NCF2: variants seen among roughly 807,000 people sequenced by gnomAD.
NCF2 encodes neutrophil cytosolic factor 2, also known as neutrophil cytosol factor 2.
Under a neutral mutation model 70.9 loss-of-function variants are expected in NCF2, and 45 were observed. The ratio of observed to expected loss-of-function variants is 0.63; its 90% CI spans 0.50 to 0.81. The LOEUF (loss-of-function observed/expected upper bound fraction) is 0.81. NCF2 is among the 40% of genes least tolerant of loss of function. The pLI is 0.00. For missense variants in NCF2, 522 were observed against 631.6 expected, an observed-to-expected ratio of 0.83 and a Z score of 1.86; for synonymous variants, 203 against 233.6, an observed-to-expected ratio of 0.87 and a Z score of 1.19.
At chr1:183,595,391 T>C (rs575973834), upstream of NCF2, among the ~76,000 whole-genome samples, 6 of 152,310 alleles carry the variant, frequency 3.9e-5, no homozygotes, top group Admixed American at 3.9e-4. Context: ...AATCTGTCGT[T>C]GGGTTGGTTT....
intron 7 of NCF2, among the ~76,000 whole-genome samples, chr1:183,568,823 C>T (rs1047832053): frequency 1.3e-5 from 2 of 152,008 alleles, no homozygotes; most frequent in Non-Finnish European, 2.9e-5. Flanking sequence ...TCAGCAACAA[C>T]CCCTTGCCAT....
At chr1:183,574,714 T>G in intron 3 of NCF2, 93 bp from the exon 4 acceptor site, 1 of 1,477,796 alleles carries the variant, frequency 6.8e-7, no homozygotes, top group South Asian at 1.1e-5. Flanking sequence ...GAATGTTGCC[T>G]GGTAGCCTTT....
chr1:183,578,411 G>A (rs993188954), intron 2 of NCF2, among the ~76,000 whole-genome samples: 2 of 151,186 alleles, frequency 1.3e-5, no homozygotes, highest in African/African-American at 4.9e-5. Context: ...AGGCTGGAGT[G>A]CAGTGGTGGG....
chr1:183,594,495 T>A (rs923956217), upstream of NCF2, among the ~76,000 whole-genome samples: 2 of 152,264 alleles, frequency 1.3e-5, no homozygotes, highest in African/African-American at 4.8e-5. Flanking sequence ...GTTTGTTTAT[T>A]GTTTAAGTCA....
At chr1:183,595,153 G>A (rs1391911685), upstream of NCF2, among the ~76,000 whole-genome samples, 5 of 152,168 alleles carry the variant, frequency 3.3e-5, no homozygotes, top group Non-Finnish European at 7.3e-5. Flanking sequence ...GGAAAAGAAC[G>A]CACTTTTTTG....
intron 5 of NCF2, among the ~76,000 whole-genome samples, chr1:183,571,131 T>TC (rs1672540148): frequency 1.3e-5 from 2 of 149,326 alleles, no homozygotes; most frequent in African/African-American, 4.9e-5. Context: ...TTTTTTTTTT[T>TC]TTTTGAGACG....
In NCF2 at chr1:183,555,825, G is replaced by GAAAC. The variant is rs1671742917; in HGVS notation, c.*289_*292dup. On this transcript the variant is annotated 3_prime_UTR_variant, in exon 15 of 15. Coordinates refer to ENST00000367535, the MANE Select transcript of NCF2 (RefSeq NM_000433.4). Reference sequence around the variant, plus strand: ...GCTGGCTAGCTAGCACTCAGAGCAAGAAACAGGATCAGTACCTGGAAGACT... The same window carrying GAAAC: ...GCTGGCTAGCTAGCACTCAGAGCAAGAAACAAACAGGATCAGTACCTGGAAGACT... 6.4e-6 allele frequency: 3 copies of GAAAC among 467,316 alleles called. No individual in the cohort carries two copies. Among genetic ancestry groups the GAAAC allele is most frequent in the African/African-American group, 5.9e-5 (3 of 51,114 alleles). 28.9% of individuals were successfully genotyped at this position (467,316 alleles called of 1,614,324 possible). A position where few individuals can be genotyped will look rare whatever the true frequency, so the allele number is the denominator to read the frequency against.
At chr1:183,593,367 T>C (rs1572184813), upstream of NCF2, among the ~76,000 whole-genome samples, 2 of 150,260 alleles carry the variant, frequency 1.3e-5, no homozygotes, top group Admixed American at 1.3e-4. Context: ...GATCACTTCA[T>C]GGCCCCTGTT....
intron 2 of NCF2, among the ~76,000 whole-genome samples, chr1:183,583,009 TAAC>T (rs907230137): frequency 7.2e-5 from 11 of 152,184 alleles, no homozygotes; most frequent in Admixed American, 3.9e-4. Flanking sequence ...CCTCCATCCA[TAAC>T]ATTATCAGCC....
At chr1:183,584,630 C>CTAATA (rs1252904428) in intron 2 of NCF2, among the ~76,000 whole-genome samples, 1 of 152,094 alleles carries the variant, frequency 6.6e-6, no homozygotes, top group Non-Finnish European at 1.5e-5. Flanking sequence ...TCTTTATAGA[C>CTAATA]TATTAGAGGT....
At position 183,565,718 on chromosome 1, in the gene NCF2, G is replaced by A. The variant is rs1287236365; in HGVS notation, c.986C>T (p.Pro329Leu). ...APPSSKAPGR[P>L]QLSPGQKQKE... The stretch of plus-strand genomic sequence containing the variant: ...GGACCACTCACCTGGTGACAGCTGG[G>A]GTCTTCCAGGGGCTTTGGAACTAGG... Residue 329 changes from proline to leucine, a missense_variant, in exon 10 of 15, where the codon CCC (proline) becomes CTC (leucine). Coordinates refer to ENST00000367535, the MANE Select transcript of NCF2 (RefSeq NM_000433.4). 2 of 1,612,414 alleles carry A rather than the reference G, an allele frequency of 1.2e-6. No homozygotes were observed. The highest frequency in any genetic ancestry group is 1.3e-5 in the African/African-American group (1 of 74,854).
the NCF2 span, among the ~76,000 whole-genome samples, chr1:183,599,436 T>TTCTTTC: frequency 2.1e-5 from 2 of 95,076 alleles, no homozygotes; most frequent in East Asian, 2.3e-4. Flanking sequence ...CTTTCTTTCT[T>TTCTTTC]TCTTTCTTTC....
intron 3 of NCF2, 78 bp downstream of exon 3, chr1:183,577,513 GTCAACAGA>G: frequency 9.0e-7 from 1 of 1,115,820 alleles, no homozygotes; most frequent in South Asian, 1.2e-5. Flanking sequence ...TCCTGGAGGT[GTCAACAGA>G]TCACTGTGCA....
intron 14 of NCF2, among the ~76,000 whole-genome samples, chr1:183,556,862 G>A (rs1671810470): frequency 1.3e-5 from 2 of 152,078 alleles, no homozygotes; most frequent in South Asian, 2.1e-4. Context: ...TTTTACCTGC[G>A]CTTTGTTGGG....
the NCF2 span, among the ~76,000 whole-genome samples, chr1:183,600,424 A>G: frequency 1.3e-5 from 2 of 152,200 alleles, no homozygotes; most frequent in Non-Finnish European, 2.9e-5. Flanking sequence ...TAATCTCTCT[A>G]TTGGCCAGAG....
Position 183,580,452 on chromosome 1 carries a change from T to A in NCF2, c.258-2745A>T, listed in dbSNP as rs566034328. On this transcript the variant is annotated intron_variant, in intron 2 of 14. Transcript: ENST00000367535. ...AGGACAGGCAGAAGCAGAGGTTTCCTGTTTCCTGGCAGCTGCAATTTCCAC... is the reference window on the plus strand; with the variant it reads ...AGGACAGGCAGAAGCAGAGGTTTCCAGTTTCCTGGCAGCTGCAATTTCCAC... Among the ~76,000 whole-genome samples the A allele has an allele frequency of 2.6e-5, 4 of 152,304 alleles. No individual in the cohort carries two copies. The South Asian group carries it at 6.2e-4, about 24-fold the overall frequency.
intron 13 of NCF2, among the ~76,000 whole-genome samples, chr1:183,561,376 C>G (rs536808623): frequency 7.2e-5 from 11 of 152,236 alleles, no homozygotes; most frequent in Middle Eastern, 3.4e-3. Flanking sequence ...AGGTTTGTAT[C>G]CCACCTCCAC....
Position 183,564,044 on chromosome 1 carries a change from G to A in NCF2, c.1001-14C>T, listed in dbSNP as rs1672198268. On this transcript the variant is annotated splice_polypyrimidine_tract_variant and intron_variant, in intron 10 of 14. Transcript: ENST00000367535. ...TTTGTTTCTGGCCTGAATGGAAAAA[G>A]TAGGGAGTAAAACAAAAGAAGATGG... The A allele has an allele frequency of 6.2e-7, 1 of 1,608,508 alleles. No individual in the cohort carries two copies.
Position 183,569,205 on chromosome 1 carries a change from A to G in NCF2, c.670-20T>C. 1 of 1,613,664 alleles carries G rather than the reference A, an allele frequency of 6.2e-7. No homozygotes were observed. The highest frequency in any genetic ancestry group is 1.3e-5 in the African/African-American group (1 of 75,040). On this transcript the variant is annotated intron_variant, in intron 6 of 14. Coordinates refer to ENST00000367535, the MANE Select transcript of NCF2 (RefSeq NM_000433.4). ...AGCTGCCTATTGAACATTCAGGAGA[A>G]GTGAAAACGGAAAAGGCAATGAGGG...
Sources: allele counts gnomAD v4.1 joint callset (sites outside exome capture counted in the v4.1 genomes callset), GRCh38; gene constraint gnomAD v4.1.1; transcripts MANE v1.5; gene names NCBI Gene and HGNC (gene_info 2026-07-23, HGNC 2026-07-21).